The following KIF13B variants were observed in gnomAD, a reference collection of about 807,000 sequenced individuals.
The protein encoded by KIF13B is kinesin-like protein KIF13B.
A neutral mutation model predicts 222.0 loss-of-function variants in KIF13B; 127 were observed. That is an observed-to-expected ratio of 0.57 (90% confidence interval 0.50 to 0.66). The LOEUF is 0.66. Ranked by LOEUF, KIF13B falls within the 30% of genes least tolerant of loss-of-function variation. The pLI, the probability that KIF13B is intolerant of heterozygous loss-of-function variation, is 0.00. For synonymous variants in KIF13B, 976 were observed against 919.0 expected (o/e 1.06, Z -1.12); for missense variants, 2,173 against 2,379.0 (o/e 0.91, Z 1.80).
intron 3 of KIF13B, among the ~76,000 whole-genome samples, chr8:29,194,287 TG>T (rs1425582973): frequency 3.0e-5 from 3 of 99,892 alleles, no homozygotes; most frequent in South Asian, 3.3e-4. Context: ...CCATTATTAT[TG>T]GGTTTTTTTT....
intron 6 of KIF13B, among the ~76,000 whole-genome samples, chr8:29,183,537 C>T (rs550279139): frequency 7.1e-4 from 108 of 152,332 alleles, no homozygotes; most frequent in African/African-American, 2.4e-3. Flanking sequence ...CCTTTATAAT[C>T]TGCTCTTGAC....
chr8:29,146,055 A>G, intron 18 of KIF13B: 1 of 543,596 alleles, frequency 1.8e-6, no homozygotes, highest in Non-Finnish European at 3.3e-6. Context: ...TAGCATAAGG[A>G]AGGAAAAAAA....
chr8:29,168,739 C>CA (rs1431635712), intron 10 of KIF13B, among the ~76,000 whole-genome samples: 1 of 152,168 alleles, frequency 6.6e-6, no homozygotes, highest in Non-Finnish European at 1.5e-5. Flanking sequence ...GGCAGCCCCC[C>CA]ATCCCCAACA....
At position 29,150,068 on chromosome 8, in the gene KIF13B, T is replaced by A. The variant is rs199572433; in HGVS notation, c.1622+229A>T. Among the ~76,000 whole-genome samples the A allele has an allele frequency of 4.6e-5, 7 of 152,348 alleles. No individual in the cohort carries two copies. In the East Asian group the frequency reaches 1.3e-3, roughly 29 times the overall value. On this transcript the variant is annotated intron_variant, in intron 15 of 39. Transcript: ENST00000524189. ...TGGGAAATAAAAGGGAAAAACTATG[T>A]AGGTAAACTCAGTATTTTTCCAGAG...
intron 14 of KIF13B, among the ~76,000 whole-genome samples, chr8:29,155,347 C>T (rs1234785430): frequency 6.6e-6 from 1 of 152,126 alleles, no homozygotes; most frequent in African/African-American, 2.4e-5. Flanking sequence ...ACCCTGCAGA[C>T]CCAACAGGAG....
chr8:29,083,148 A>G (rs979037467), intron 37 of KIF13B, among the ~76,000 whole-genome samples: 5 of 152,236 alleles, frequency 3.3e-5, no homozygotes, highest in Admixed American at 6.5e-5. Context: ...GCCTTCATCC[A>G]GCTTGTCGCC....
intron 21 of KIF13B, among the ~76,000 whole-genome samples, 186 bp from the exon 22 acceptor site, chr8:29,134,396 G>T (rs773406543): frequency 6.6e-6 from 1 of 152,194 alleles, no homozygotes; most frequent in African/African-American, 2.4e-5. Flanking sequence ...ATTATATTTA[G>T]TGAGAGGCTG....
chr8:29,233,416 C>T (rs193017047), intron 2 of KIF13B, among the ~76,000 whole-genome samples: 1 of 152,258 alleles, frequency 6.6e-6, no homozygotes, highest in African/African-American at 2.4e-5. Flanking sequence ...TCAGAAATAC[C>T]ACAGGTAAAT....
chr8:29,237,158 C>T lies in KIF13B; in HGVS notation c.149+8188G>A, dbSNP rs534998668. On this transcript the variant is annotated intron_variant, in intron 2 of 39. Coordinates refer to ENST00000524189, the MANE Select transcript of KIF13B (RefSeq NM_015254.4). ...TTTCCTCAAGGAATACTGCTCCCTC[C>T]ATCTTTAAAACAGAAATCTAGATTC... Among the ~76,000 whole-genome samples the T allele has an allele frequency of 6.2e-4, 94 of 152,120 alleles. 1 individual carries two copies. The South Asian group carries it at 7.7e-3, about 12-fold the overall frequency.
At position 29,144,190 on chromosome 8, in the gene KIF13B, A is replaced by G. The variant is rs1810950538; in HGVS notation, c.2188-1887T>C. Among the ~76,000 whole-genome samples the G allele has an allele frequency of 2.0e-5, 3 of 152,176 alleles. No homozygotes were observed. The South Asian group carries it at 6.2e-4, about 32-fold the overall frequency. ...GATGTTTCATTAACATCTTGCCTAC[A>G]ATCATTTTCTAAGAAAAAAATTTAA... On this transcript the variant is annotated intron_variant, in intron 18 of 39. Transcript: ENST00000524189.
chr8:29,171,676 G>GA (rs372998659), intron 10 of KIF13B, among the ~76,000 whole-genome samples: 10,826 of 107,854 alleles, frequency 0.1, 548 homozygotes, highest in African/African-American at 0.18. Flanking sequence ...CATGTTTTGC[G>GA]AAAAAAAAAA....
chr8:29,247,097 C>T (rs1048048028), intron 1 of KIF13B, among the ~76,000 whole-genome samples: 3 of 152,150 alleles, frequency 2.0e-5, no homozygotes, highest in Admixed American at 6.5e-5. Context: ...AAATTAAAAA[C>T]TCTGGGGCTG....
At chr8:29,247,217 G>A (rs1427120754) in intron 1 of KIF13B, among the ~76,000 whole-genome samples, 5 of 151,872 alleles carry the variant, frequency 3.3e-5, no homozygotes, top group East Asian at 1.9e-4. Context: ...AGACCCCCAC[G>A]TCTAAAAAAA....
At position 29,138,807 on chromosome 8, in the gene KIF13B, CGAGT is replaced by C. The variant is rs1258456094; in HGVS notation, c.2613+1252_2613+1255del. Among the ~76,000 whole-genome samples the C allele has an allele frequency of 7.9e-5, 12 of 152,040 alleles. No homozygotes were observed. The South Asian group carries it at 1.0e-3, about 13-fold the overall frequency. On this transcript the variant is annotated intron_variant, in intron 21 of 39. Coordinates refer to ENST00000524189, the MANE Select transcript of KIF13B (RefSeq NM_015254.4). ...AAGAGAGGCAAAAAGAGAAAGCGAG[CGAGT>C]GAGAGAGCACGAGCATACCAGGGCC... is the stretch of plus-strand genomic sequence containing the variant.
rs1401566872 is a variant in KIF13B at position 29,246,151 on chromosome 8, G to A, written c.56-712C>T. Among the ~76,000 whole-genome samples the A allele has an allele frequency of 7.2e-5, 11 of 152,092 alleles. No individual in the cohort carries two copies. The South Asian group carries it at 8.3e-4, about 11-fold the overall frequency. The stretch of plus-strand genomic sequence containing the variant: ...TCCCAGCACTTTGGGAGGCCGAGGC[G>A]GGTGGATTACTTGAGGTCAGGAGTT... On this transcript the variant is annotated intron_variant, in intron 1 of 39. Coordinates refer to ENST00000524189, the MANE Select transcript of KIF13B (RefSeq NM_015254.4).
At position 29,070,020 on chromosome 8, in the gene KIF13B, C is replaced by CCAGGGTGG. The variant is rs1807180186; in HGVS notation, c.*476_*483dup. The CCAGGGTGG allele has an allele frequency of 1.2e-5, 1 of 81,850 alleles. No homozygotes were observed. Among genetic ancestry groups the CCAGGGTGG allele is most frequent in the Admixed American group, 1.6e-4 (1 of 6,066 alleles). The allele number at this position is 81,850 out of a possible 1,614,324, so 5.1% of individuals were successfully genotyped here. A position where few individuals can be genotyped will look rare whatever the true frequency, so the allele number is the denominator to read the frequency against. ...AGAGGCACTTTGCGGGAAACTGGGA[C>CCAGGGTGG]CAGGGTGGGAGGCTGGGGGGCTTGC... On this transcript the variant is annotated 3_prime_UTR_variant, in exon 40 of 40. Coordinates refer to ENST00000524189, the MANE Select transcript of KIF13B (RefSeq NM_015254.4). The surrounding 1 kb of genome is among the most constrained non-coding windows in gnomAD (Gnocchi z 4.1).
At position 29,124,195 on chromosome 8, in the gene KIF13B, T is replaced by TAC. The variant is rs147283211; in HGVS notation, c.3253-74_3253-73dup. 979 of 874,790 alleles carry TAC rather than the reference T, an allele frequency of 1.1e-3. 2 individuals carry two copies. The African/African-American group carries it at 0.013, about 12-fold the overall frequency. 54.2% of individuals were successfully genotyped at this position (874,790 alleles called of 1,614,324 possible). A position where few individuals can be genotyped will look rare whatever the true frequency, so the allele number is the denominator to read the frequency against. On this transcript the variant is annotated intron_variant, in intron 26 of 39. Transcript: ENST00000524189. ...TCTATCTGAAACTGATGCTCTATCT[T>TAC]ACCTTGCTCTACTATGCCTTGGAAA...
intron 11 of KIF13B, 50 bp downstream of exon 11, chr8:29,167,323 G>A (rs1812047573): frequency 6.8e-7 from 1 of 1,463,574 alleles, no homozygotes; most frequent in African/African-American, 1.4e-5. Context: ...CAAGCTCTAG[G>A]CTGATTCCTC....
chr8:29,198,140 T>G (rs904712184), intron 2 of KIF13B, among the ~76,000 whole-genome samples: 1 of 152,198 alleles, frequency 6.6e-6, no homozygotes, highest in East Asian at 1.9e-4. Flanking sequence ...GAGTGATACC[T>G]GTTTAAGAGA....
Sources: gnomAD v4.1 joint callset for allele counts (sites outside exome capture counted in the v4.1 genomes callset) on GRCh38, gnomAD v4.1.1 for gene constraint, Gnocchi (gnomAD v3.1) non-coding constraint, MANE v1.5 for transcripts, NCBI Gene and HGNC (gene_info 2026-07-23, HGNC 2026-07-21) for gene names.